The following PTPRT variants were observed in gnomAD, a reference collection of about 807,000 sequenced individuals.
PTPRT encodes receptor-type tyrosine-protein phosphatase T.
In PTPRT, 56 loss-of-function variants were observed where a neutral mutation model predicts 176.8. The observed-to-expected ratio is 0.32, with a 90% CI of 0.26 to 0.40. PTPRT has a LOEUF of 0.40. PTPRT is among the 10% of genes least tolerant of loss of function. The pLI, the probability that PTPRT is intolerant of heterozygous loss-of-function variation, is 1.00. For synonymous variants in PTPRT, 783 were observed against 739.0 expected, an observed-to-expected ratio of 1.06 and a Z score of -0.96; for missense variants, 1,540 against 1,908.2, an observed-to-expected ratio of 0.81 and a Z score of 3.60.
intron 2 of PTPRT, among the ~76,000 whole-genome samples, chr20:42,880,326 G>A (rs572946447): frequency 5.9e-5 from 9 of 152,286 alleles, no homozygotes; most frequent in African/African-American, 1.7e-4. Context: ...TCAGCTCCCT[G>A]GGGACTGAGG....
intron 1 of PTPRT, among the ~76,000 whole-genome samples, chr20:43,040,005 C>A (rs557796359): frequency 8.7e-4 from 132 of 151,922 alleles, no homozygotes; most frequent in African/African-American, 3.0e-3. Flanking sequence ...AGTACCGTTG[C>A]ACTCCAGCCT....
At chr20:42,859,546 A>T (rs1368051390) in intron 2 of PTPRT, among the ~76,000 whole-genome samples, 2 of 150,742 alleles carry the variant, frequency 1.3e-5, no homozygotes, top group African/African-American at 4.9e-5. Context: ...TGCACATATA[A>T]TGCACATATC....
chr20:42,079,939 A>G lies in PTPRT; in HGVS notation c.*940T>C, dbSNP rs1983152531. ...AAACTCCCCCGCCCCCTTCTTTTTG[A>G]CATAAGAGACTAAGATTTTACACCC... On this transcript the variant is annotated 3_prime_UTR_variant, in exon 31 of 31. Coordinates refer to ENST00000373187, the MANE Select transcript of PTPRT (RefSeq NM_007050.6). 1 of 231,964 alleles carries G rather than the reference A, an allele frequency of 4.3e-6. No homozygotes were observed. The highest frequency in any genetic ancestry group is 2.2e-5 in the African/African-American group (1 of 45,268). 14.4% of individuals were successfully genotyped at this position (231,964 alleles called of 1,614,324 possible).
chr20:42,546,751 G>GT (rs2072681667), intron 7 of PTPRT, among the ~76,000 whole-genome samples: 1 of 151,858 alleles, frequency 6.6e-6, no homozygotes, highest in Non-Finnish European at 1.5e-5. Context: ...ATATTTTTTT[G>GT]TTTCGGGGAA....
At chr20:42,614,412 C>T (rs2903589) in intron 7 of PTPRT, among the ~76,000 whole-genome samples, 59,338 of 151,940 alleles carry the variant, frequency 0.39, 13,466 homozygotes, top group African/African-American at 0.63. Flanking sequence ...GTACCTTGTA[C>T]CAATCCAACC....
At chr20:42,832,700 G>GAA (rs60235829) in intron 2 of PTPRT, among the ~76,000 whole-genome samples, 2 of 75,512 alleles carry the variant, frequency 2.6e-5, no homozygotes, top group African/African-American at 5.0e-5. Context: ...AATACAGAAA[G>GAA]AAAAAAAAAA....
rs962000165 is a variant in PTPRT, at chr20:42,691,639, T to C, written c.860-13480A>G. On this transcript the variant is annotated intron_variant, in intron 6 of 30. Transcript: ENST00000373187. Reference sequence around the variant, plus strand: ...GAGCTTCTTCCAAATCCTCCCTCATTCCCCTAGGGCTGCCTCTGCCCCTGC... The same window carrying C: ...GAGCTTCTTCCAAATCCTCCCTCATCCCCCTAGGGCTGCCTCTGCCCCTGC... Among the ~76,000 whole-genome samples the C allele has an allele frequency of 2.0e-5, 3 of 152,026 alleles. No individual in the cohort carries two copies. In the East Asian group the frequency reaches 5.8e-4, roughly 29 times the overall value.
chr20:42,705,174 C>T (rs2076034109), intron 6 of PTPRT, among the ~76,000 whole-genome samples: 2 of 152,042 alleles, frequency 1.3e-5, no homozygotes, highest in Admixed American at 1.3e-4. Context: ...TACTGCACCC[C>T]AGCATGGGCA....
rs1986017864 is a variant in PTPRT at position 42,102,304 on chromosome 20, G to A, written c.3541-7C>T. On this transcript the variant is annotated splice_region_variant and splice_polypyrimidine_tract_variant and intron_variant, in intron 25 of 30. Transcript: ENST00000373187. ...GTGTCACAATGTTGAGGGTCTGTGG[G>A]GCACAAAGGTGAATAGATAGGCCCT... 6.2e-7 allele frequency: 1 copy of A among 1,612,356 alleles called. No individual in the cohort carries two copies. Among genetic ancestry groups the A allele is most frequent in the Middle Eastern group, 1.7e-4 (1 of 6,050 alleles).
intron 1 of PTPRT, among the ~76,000 whole-genome samples, chr20:43,058,369 G>C (rs1452892542): frequency 1.3e-5 from 2 of 151,538 alleles, no homozygotes; most frequent in East Asian, 3.9e-4. Context: ...AAGAGAGAGA[G>C]GGAAGGAGAG....
intron 5 of PTPRT, among the ~76,000 whole-genome samples, chr20:42,770,185 C>A (rs945379552): frequency 2.6e-5 from 4 of 152,120 alleles, no homozygotes; most frequent in African/African-American, 7.2e-5. Context: ...GGCAGTGGTG[C>A]GATCTCAGTT....
chr20:42,453,410 T>C (rs2070866207), intron 8 of PTPRT, among the ~76,000 whole-genome samples: 2 of 91,726 alleles, frequency 2.2e-5, no homozygotes, highest in African/African-American at 1.2e-4. Context: ...ATTGTTTTTG[T>C]ATTGTATTAA....
intron 1 of PTPRT, among the ~76,000 whole-genome samples, chr20:42,982,320 G>A (rs1448597463): frequency 1.3e-5 from 2 of 152,198 alleles, no homozygotes; most frequent in Non-Finnish European, 2.9e-5. Context: ...AGAGCTCACT[G>A]TGCATGTGGG....
intron 17 of PTPRT, among the ~76,000 whole-genome samples, chr20:42,147,392 C>G (rs1187416715): frequency 3.3e-5 from 5 of 152,162 alleles, no homozygotes; most frequent in Admixed American, 2.0e-4. Context: ...ACCTCCATGA[C>G]AGATAGCTCA....
chr20:42,627,379 T>G (rs1041925444), intron 7 of PTPRT, among the ~76,000 whole-genome samples: 2 of 152,176 alleles, frequency 1.3e-5, no homozygotes, highest in Non-Finnish European at 2.9e-5. Flanking sequence ...CCCTCTTGCC[T>G]CAACCTCCCA....
chr20:42,845,194 C>T (rs887471884), intron 2 of PTPRT, among the ~76,000 whole-genome samples: 3 of 152,120 alleles, frequency 2.0e-5, no homozygotes, highest in African/African-American at 7.2e-5. Flanking sequence ...GTGCCTTGCT[C>T]GATGTCCACT....
chr20:42,622,823 G>C (rs941811492), intron 7 of PTPRT, among the ~76,000 whole-genome samples: 2 of 152,200 alleles, frequency 1.3e-5, no homozygotes, highest in Non-Finnish European at 1.5e-5. Flanking sequence ...GGAAATACTG[G>C]TTTGAAGAAG....
At chr20:42,102,916 G>A (rs756923923) in intron 25 of PTPRT, among the ~76,000 whole-genome samples, 1 of 152,212 alleles carries the variant, frequency 6.6e-6, no homozygotes. Flanking sequence ...TAGATGTTAC[G>A]TGCAATGACC....
intron 6 of PTPRT, among the ~76,000 whole-genome samples, chr20:42,679,981 G>A (rs2075575501): frequency 6.6e-6 from 1 of 152,208 alleles, no homozygotes; most frequent in Admixed American, 6.5e-5. Context: ...GAACAAGGAA[G>A]AGGAGAAAGG....
Sources: allele counts gnomAD v4.1 joint callset (sites outside exome capture counted in the v4.1 genomes callset), GRCh38; gene constraint gnomAD v4.1.1; transcripts MANE v1.5; gene names NCBI Gene and HGNC (gene_info 2026-07-23, HGNC 2026-07-21).